The following CNTNAP2 variants were observed in gnomAD, a reference collection of about 807,000 sequenced individuals.
CNTNAP2 encodes the protein contactin associated protein 2.
In CNTNAP2, 98 loss-of-function variants were observed where a neutral mutation model predicts 155.2. The observed-to-expected ratio is 0.63, with a 90% CI of 0.54 to 0.75. The LOEUF (loss-of-function observed/expected upper bound fraction) is 0.75. Among genes scored for constraint, CNTNAP2 ranks in the 30% least tolerant of loss-of-function variants. The probability of loss-of-function intolerance (pLI) is 0.00; values close to 1 mark genes in which losing one functional copy is unlikely to be tolerated. For missense variants in CNTNAP2, 1,727 were observed against 1,688.1 expected, an observed-to-expected ratio of 1.02 and a Z score of -0.40; for synonymous variants, 651 against 631.2, an observed-to-expected ratio of 1.03 and a Z score of -0.47.
At chr7:146,814,193 T>C (rs1336661267) in intron 2 of CNTNAP2, among the ~76,000 whole-genome samples, 1 of 152,152 alleles carries the variant, frequency 6.6e-6, no homozygotes, top group Non-Finnish European at 1.5e-5. Context: ...TGAATGAGAC[T>C]GATGGTCTCT....
intron 10 of CNTNAP2, among the ~76,000 whole-genome samples, chr7:147,485,329 G>T (rs946974769): frequency 1.3e-5 from 2 of 152,188 alleles, no homozygotes; most frequent in Non-Finnish European, 2.9e-5. Context: ...TTAATAAAAA[G>T]ATATAGATTT....
intron 3 of CNTNAP2, among the ~76,000 whole-genome samples, chr7:146,919,911 T>C (rs1796467300): frequency 6.6e-6 from 1 of 152,200 alleles, no homozygotes; most frequent in African/African-American, 2.4e-5. Flanking sequence ...CTCCACATGC[T>C]GCTCTGTCCA....
At chr7:146,930,772 C>T (rs1306062985) in intron 3 of CNTNAP2, among the ~76,000 whole-genome samples, 1 of 152,048 alleles carries the variant, frequency 6.6e-6, no homozygotes. Flanking sequence ...CAAAAAAAGG[C>T]AGGGTTTGCA....
At chr7:146,542,102 G>T (rs2129141199) in intron 1 of CNTNAP2, among the ~76,000 whole-genome samples, 1 of 151,846 alleles carries the variant, frequency 6.6e-6, no homozygotes, top group African/African-American at 2.4e-5. Context: ...AGTCAGGCAG[G>T]GTGTTCAAGG....
At chr7:148,047,898 G>A (rs1318468335) in intron 15 of CNTNAP2, among the ~76,000 whole-genome samples, 1 of 152,052 alleles carries the variant, frequency 6.6e-6, no homozygotes, top group Non-Finnish European at 1.5e-5. Context: ...GGCATTTAGT[G>A]AGCACCTGCT....
chr7:147,446,498 TA>T (rs34339423), intron 10 of CNTNAP2, among the ~76,000 whole-genome samples: 28,204 of 152,098 alleles, frequency 0.19, 3,131 homozygotes, highest in Non-Finnish European at 0.25. Flanking sequence ...ATGGAGTTAG[TA>T]GTAGACTGAG....
At chr7:147,720,957 A>G (rs528454627) in intron 13 of CNTNAP2, among the ~76,000 whole-genome samples, 30 of 152,126 alleles carry the variant, frequency 2.0e-4, no homozygotes, top group Non-Finnish European at 4.3e-4. Flanking sequence ...TGGCTTGGTC[A>G]TGATGACAAA....
At chr7:147,238,549 G>T (rs1426084716) in intron 8 of CNTNAP2, among the ~76,000 whole-genome samples, 1 of 149,168 alleles carries the variant, frequency 6.7e-6, no homozygotes. Flanking sequence ...TTTTCATTTT[G>T]TTTTTTTTTC....
chr7:147,990,493 G>C (rs1190972544), intron 15 of CNTNAP2, among the ~76,000 whole-genome samples: 2 of 152,040 alleles, frequency 1.3e-5, no homozygotes, highest in Non-Finnish European at 2.9e-5. Flanking sequence ...GGTTGGAGGG[G>C]GGTTATCTTG....
intron 1 of CNTNAP2, among the ~76,000 whole-genome samples, chr7:146,165,116 C>A (rs1006165338): frequency 2.0e-5 from 3 of 152,104 alleles, no homozygotes; most frequent in African/African-American, 7.2e-5. Context: ...GTAGAAAAAT[C>A]TACTGTGATT....
In CNTNAP2 at chr7:147,633,429, A is replaced by G. The variant is rs537717265; in HGVS notation, c.1898-5677A>G. 1.1e-3 allele frequency among the ~76,000 whole-genome samples: 163 copies of G among 152,338 alleles called. 2 individuals are homozygous for G. Among genetic ancestry groups the G allele is most frequent in the Non-Finnish European group, 1.7e-3 (117 of 68,034 alleles). On this transcript the variant is annotated intron_variant, in intron 12 of 23. Transcript: ENST00000361727. ...AGATATGTGGGGTTGGAGCCCCCAC[A>G]CAAGACTTTGGACTTGAGCCTTTGG...
In CNTNAP2 at chr7:146,657,405, A is replaced by G. The variant is rs368273407; in HGVS notation, c.98-116866A>G. Among the ~76,000 whole-genome samples, 35 of 152,198 alleles carry G rather than the reference A, an allele frequency of 2.3e-4. No individual in the cohort carries two copies. In the South Asian group the frequency reaches 6.4e-3, roughly 28 times the overall value. The stretch of plus-strand genomic sequence containing the variant: ...ATAGTTGATGAACTTTATGAGAGAA[A>G]AGGCCTGGGTTTTCTTTCTTTGCCT... On this transcript the variant is annotated intron_variant, in intron 1 of 23. Transcript: ENST00000361727.
At chr7:147,904,509 C>T (rs1023744041) in intron 14 of CNTNAP2, among the ~76,000 whole-genome samples, 2 of 152,148 alleles carry the variant, frequency 1.3e-5, no homozygotes, top group African/African-American at 4.8e-5. Context: ...TTGAGAGGCT[C>T]CATTTCTGCT....
chr7:146,553,669 T>A (rs1231357064), intron 1 of CNTNAP2, among the ~76,000 whole-genome samples: 1 of 152,130 alleles, frequency 6.6e-6, no homozygotes, highest in African/African-American at 2.4e-5. Flanking sequence ...ATTAATCCAA[T>A]GTAGGATATT....
intron 12 of CNTNAP2, among the ~76,000 whole-genome samples, chr7:147,636,564 G>A (rs36031092): frequency 6.6e-6 from 1 of 152,100 alleles, no homozygotes; most frequent in Admixed American, 6.6e-5. Context: ...GCATGCATCA[G>A]GTATTTGTCC....
At chr7:146,225,531 C>A (rs1799279144) in intron 1 of CNTNAP2, among the ~76,000 whole-genome samples, 1 of 152,286 alleles carries the variant, frequency 6.6e-6, no homozygotes, top group South Asian at 2.1e-4. Flanking sequence ...AACTTGGAAA[C>A]CCGCAGAAAC....
chr7:147,691,917 A>G (rs1488883756), intron 13 of CNTNAP2, among the ~76,000 whole-genome samples: 2 of 152,240 alleles, frequency 1.3e-5, no homozygotes, highest in Admixed American at 1.3e-4. Flanking sequence ...TTGCTGTTGT[A>G]CATGCGTGGG....
At chr7:146,474,629 G>T (rs929181362) in intron 1 of CNTNAP2, among the ~76,000 whole-genome samples, 1 of 151,596 alleles carries the variant, frequency 6.6e-6, no homozygotes, top group Non-Finnish European at 1.5e-5. Flanking sequence ...ATCATCAATC[G>T]ATCTGAAAAT....
At chr7:147,025,008 G>A (rs796617303) in intron 3 of CNTNAP2, among the ~76,000 whole-genome samples, 3 of 151,858 alleles carry the variant, frequency 2.0e-5, no homozygotes, top group African/African-American at 7.3e-5. Context: ...ATGTGGCTGG[G>A]CGCCGTGGCT....
Sources: allele counts gnomAD v4.1 joint callset (sites outside exome capture counted in the v4.1 genomes callset), GRCh38; gene constraint gnomAD v4.1.1; transcripts MANE v1.5; gene names NCBI Gene and HGNC (gene_info 2026-07-23, HGNC 2026-07-21).